The following EYS variants were observed in gnomAD, a reference collection of about 807,000 sequenced individuals.
The protein encoded by EYS is EGF-like photoreceptor maintenance factor.
A neutral mutation model predicts 282.1 loss-of-function variants in EYS; 250 were observed. The observed-to-expected ratio is 0.89, with a 90% CI of 0.80 to 0.98. The LOEUF (loss-of-function observed/expected upper bound fraction) is 0.98. Ranked by LOEUF, EYS falls within the 50% of genes least tolerant of loss-of-function variation. The probability of loss-of-function intolerance (pLI) is 0.00; values close to 1 mark genes in which losing one functional copy is unlikely to be tolerated. For missense variants in EYS, 4,016 were observed against 3,709.0 expected, an observed-to-expected ratio of 1.08 and a Z score of -2.15; for synonymous variants, 1,355 against 1,282.9, an observed-to-expected ratio of 1.06 and a Z score of -1.20.
chr6:65,519,404 G>T (rs1430838827), intron 2 of EYS, among the ~76,000 whole-genome samples: 1 of 150,902 alleles, frequency 6.6e-6, no homozygotes. Context: ...ATCGTGTATT[G>T]ATATGTAAGA....
chr6:64,193,317 C>CT (rs902068121), intron 31 of EYS, among the ~76,000 whole-genome samples: 161 of 146,802 alleles, frequency 1.1e-3, no homozygotes, highest in Middle Eastern at 3.5e-3. Flanking sequence ...ATTGTTTTTT[C>CT]TTTTTTTTTT....
intron 12 of EYS, among the ~76,000 whole-genome samples, chr6:65,122,761 C>G (rs1775598530): frequency 6.6e-6 from 1 of 151,926 alleles, no homozygotes. Flanking sequence ...CTGTTTTACT[C>G]TTAAATCTGA....
At chr6:64,335,635 C>T (rs1024192688) in intron 29 of EYS, among the ~76,000 whole-genome samples, 12 of 152,016 alleles carry the variant, frequency 7.9e-5, no homozygotes, top group Admixed American at 7.9e-4. Context: ...TCTCCCGAAC[C>T]TTTTTCAGTC....
chr6:64,409,505 T>A (rs1029808377), intron 28 of EYS, among the ~76,000 whole-genome samples: 1 of 152,214 alleles, frequency 6.6e-6, no homozygotes, highest in Non-Finnish European at 1.5e-5. Context: ...TTTCTTTCCA[T>A]TCAAAGAGCT....
At chr6:64,649,532 G>T (rs749031329) in intron 22 of EYS, among the ~76,000 whole-genome samples, 1 of 151,998 alleles carries the variant, frequency 6.6e-6, no homozygotes, top group Non-Finnish European at 1.5e-5. Flanking sequence ...TAGAGATGGG[G>T]TTTCACAATG....
chr6:65,664,003 C>A (rs1272549927), intron 1 of EYS, among the ~76,000 whole-genome samples: 2 of 151,278 alleles, frequency 1.3e-5, no homozygotes, highest in Non-Finnish European at 2.9e-5. Flanking sequence ...CCCAGAATAG[C>A]TGGGACTACA....
intron 36 of EYS, among the ~76,000 whole-genome samples, chr6:63,836,420 A>G (rs536741307): frequency 6.6e-6 from 1 of 152,160 alleles, no homozygotes; most frequent in East Asian, 1.9e-4. Flanking sequence ...GATTAACAGA[A>G]AGTTATTTGC....
chr6:64,912,099 A>G (rs897413518), intron 16 of EYS, among the ~76,000 whole-genome samples: 1 of 152,142 alleles, frequency 6.6e-6, no homozygotes, highest in African/African-American at 2.4e-5. Context: ...GAAAATGTAC[A>G]ATAGGGCATT....
chr6:63,927,223 A>G (rs933903493), intron 35 of EYS, among the ~76,000 whole-genome samples: 2 of 152,220 alleles, frequency 1.3e-5, no homozygotes, highest in African/African-American at 4.8e-5. Flanking sequence ...GGAATAAACG[A>G]GATTATCTAT....
At chr6:65,618,580 G>A (rs191261351) in intron 2 of EYS, among the ~76,000 whole-genome samples, 310 of 152,208 alleles carry the variant, frequency 2.0e-3, no homozygotes, top group African/African-American at 7.4e-3. Flanking sequence ...TGTCAATTTT[G>A]GCTTTTGTTG....
At chr6:64,817,204 T>G (rs2150018898) in intron 21 of EYS, among the ~76,000 whole-genome samples, 1 of 152,210 alleles carries the variant, frequency 6.6e-6, no homozygotes, top group African/African-American at 2.4e-5. Flanking sequence ...TTCTGATGGT[T>G]CAATCATTTA....
chr6:65,562,452 A>G (rs903639224), intron 2 of EYS, among the ~76,000 whole-genome samples: 1 of 152,038 alleles, frequency 6.6e-6, no homozygotes, highest in African/African-American at 2.4e-5. Context: ...CAGAATGGAA[A>G]GAATGAAAGG....
At chr6:64,504,372 G>C (rs892768333) in intron 26 of EYS, among the ~76,000 whole-genome samples, 1 of 152,092 alleles carries the variant, frequency 6.6e-6, no homozygotes, top group Non-Finnish European at 1.5e-5. Context: ...ATGATGAATG[G>C]CCCAAATATA....
chr6:64,559,395 G>A (rs1765331081), intron 26 of EYS, among the ~76,000 whole-genome samples: 1 of 151,502 alleles, frequency 6.6e-6, no homozygotes, highest in Non-Finnish European at 1.5e-5. Flanking sequence ...CTCGTCTCAA[G>A]GGATCCTTCC....
intron 12 of EYS, among the ~76,000 whole-genome samples, chr6:65,216,112 T>C (rs1766306175): frequency 6.6e-6 from 1 of 152,156 alleles, no homozygotes; most frequent in South Asian, 2.1e-4. Context: ...ATTTTTCATA[T>C]AAATTGTAAA....
intron 28 of EYS, chr6:64,400,532 A>T (rs2150435800): frequency 6.6e-6 from 1 of 152,172 alleles, no homozygotes; most frequent in South Asian, 2.1e-4. Context: ...TTCAAGAGGC[A>T]CACTTTTTAA....
intron 1 of EYS, among the ~76,000 whole-genome samples, chr6:65,671,505 A>C (rs1768389711): frequency 6.6e-6 from 1 of 152,158 alleles, no homozygotes; most frequent in South Asian, 2.1e-4. Context: ...CTAATGGAAA[A>C]AAAATTCTGA....
Position 65,165,341 on chromosome 6 carries a change from T to C in EYS, c.2024-107614A>G, listed in dbSNP as rs1056690441. Among the ~76,000 whole-genome samples the C allele has an allele frequency of 5.3e-5, 8 of 151,046 alleles. No homozygotes were observed. In the East Asian group the frequency reaches 1.6e-3, roughly 30 times the overall value. On this transcript the variant is annotated intron_variant, in intron 12 of 42. Coordinates refer to ENST00000503581, the MANE Select transcript of EYS (RefSeq NM_001142800.2). ...CTTCAAGCTTTCATCTCAAATTATC[T>C]CCTGTTTGCTCAAACAATATACTTT...
At chr6:65,300,915 T>G (rs1339342898) in intron 11 of EYS, 1 of 152,196 alleles carries the variant, frequency 6.6e-6, no homozygotes, top group Non-Finnish European at 1.5e-5. Context: ...CTGGGCTCTG[T>G]GTATTGCTCA....
Sources: gnomAD v4.1 joint callset for allele counts (sites outside exome capture counted in the v4.1 genomes callset) on GRCh38, gnomAD v4.1.1 for gene constraint, MANE v1.5 for transcripts, NCBI Gene and HGNC (gene_info 2026-07-23, HGNC 2026-07-21) for gene names.